The following LPP variants were observed in gnomAD, a reference collection of about 807,000 sequenced individuals.
The protein encoded by LPP is LIM domain containing preferred translocation partner in lipoma, also known as lipoma-preferred partner.
Under a neutral mutation model 60.4 loss-of-function variants are expected in LPP, and 38 were observed. The observed-to-expected ratio is 0.63, with a 90% confidence interval of 0.49 to 0.83. LPP has a LOEUF of 0.83. LPP is among the 40% of genes least tolerant of loss of function. LPP has a pLI of 0.00. For synonymous variants in LPP, 328 were observed against 290.8 expected, an observed-to-expected ratio of 1.13 and a Z score of -1.30; for missense variants, 902 against 783.6, an observed-to-expected ratio of 1.15 and a Z score of -1.80.
chr3:188,358,894 G>T (rs1437598333), intron 3 of LPP, among the ~76,000 whole-genome samples: 1 of 152,192 alleles, frequency 6.6e-6, no homozygotes, highest in Non-Finnish European at 1.5e-5. Flanking sequence ...TCCAGAAAGA[G>T]TGGCCACACG....
At chr3:188,426,048 T>G (rs1452400226) in intron 4 of LPP, among the ~76,000 whole-genome samples, 1 of 152,242 alleles carries the variant, frequency 6.6e-6, no homozygotes, top group Non-Finnish European at 1.5e-5. Context: ...AACGTTAGGG[T>G]GTCGATTTGA....
rs1004222826 is a variant in LPP, at chr3:188,441,609, C to CTTTT, written c.193+35322_193+35325dup. Among the ~76,000 whole-genome samples, 12 of 55,672 alleles carry CTTTT rather than the reference C, an allele frequency of 2.2e-4. 1 individual carries two copies. Among genetic ancestry groups the CTTTT allele is most frequent in the African/African-American group, 7.5e-4 (10 of 13,348 alleles). The allele number at this position is 55,672 out of a possible 152,430, so 36.5% of individuals were successfully genotyped here. On this transcript the variant is annotated intron_variant, in intron 4 of 11. Coordinates refer to ENST00000617246, the MANE Select transcript of LPP (RefSeq NM_001375462.1). ...ACAGTTTCTTTTTTTCTTTTCTTTT[C>CTTTT]TTTTTTTTTTTTTTTTTTTTTTTTT...
intron 3 of LPP, among the ~76,000 whole-genome samples, chr3:188,403,299 T>C (rs1431701273): frequency 6.6e-6 from 1 of 152,210 alleles, no homozygotes; most frequent in Non-Finnish European, 1.5e-5. Flanking sequence ...AAAGCCAAGA[T>C]GATACAGTCA....
intron 7 of LPP, among the ~76,000 whole-genome samples, chr3:188,683,497 C>T (rs1859981261): frequency 1.3e-5 from 2 of 152,126 alleles, no homozygotes; most frequent in Non-Finnish European, 2.9e-5. Context: ...ATTTTGACTG[C>T]TAGTTCTATA....
At chr3:188,635,284 A>G (rs558186965) in intron 7 of LPP, among the ~76,000 whole-genome samples, 1 of 152,304 alleles carries the variant, frequency 6.6e-6, no homozygotes, top group Non-Finnish European at 1.5e-5. Flanking sequence ...CTTCTTGGGC[A>G]TCAGTGGGGA....
intron 4 of LPP, among the ~76,000 whole-genome samples, chr3:188,482,139 G>A (rs1579238033): frequency 1.3e-5 from 2 of 152,158 alleles, no homozygotes; most frequent in South Asian, 4.1e-4. Context: ...AGATGTGCTT[G>A]CTTCCCCTTC....
chr3:188,712,367 G>A (rs1711902643), intron 8 of LPP: 3 of 152,314 alleles, frequency 2.0e-5, no homozygotes, highest in South Asian at 4.1e-4. Flanking sequence ...TGGGGCTCAC[G>A]GGTTCCTAGG....
intron 5 of LPP, among the ~76,000 whole-genome samples, chr3:188,497,103 T>C (rs1201037328): frequency 6.6e-6 from 1 of 152,012 alleles, no homozygotes; most frequent in Non-Finnish European, 1.5e-5. Flanking sequence ...GAAATAAAAA[T>C]TTGGTTTATG....
chr3:188,536,513 G>A (rs981009642), intron 6 of LPP, among the ~76,000 whole-genome samples: 4 of 152,086 alleles, frequency 2.6e-5, no homozygotes, highest in Non-Finnish European at 5.9e-5. Flanking sequence ...TTTTTAAGTG[G>A]AAATAAACTT....
At chr3:188,787,432 GCACA>G (rs370252572) in intron 9 of LPP, among the ~76,000 whole-genome samples, 8 of 150,770 alleles carry the variant, frequency 5.3e-5, no homozygotes, top group African/African-American at 2.0e-4. Flanking sequence ...ACACACACAC[GCACA>G]CACACACATA....
intron 2 of LPP, among the ~76,000 whole-genome samples, chr3:188,258,033 C>T (rs1328048378): frequency 2.0e-5 from 3 of 152,208 alleles, no homozygotes; most frequent in Admixed American, 6.5e-5. Context: ...AACAAGGTGT[C>T]CTTGATTTGT....
chr3:188,387,652 CG>C (rs1778667808), intron 3 of LPP, among the ~76,000 whole-genome samples: 1 of 151,502 alleles, frequency 6.6e-6, no homozygotes, highest in Non-Finnish European at 1.5e-5. Flanking sequence ...CTGCAACCTC[CG>C]CCTCCTGGGT....
chr3:188,218,448 A>T (rs2149265028), intron 1 of LPP, among the ~76,000 whole-genome samples: 1 of 152,276 alleles, frequency 6.6e-6, no homozygotes, highest in East Asian at 1.9e-4. Flanking sequence ...CTTATACTAT[A>T]ATCAGCCTAA....
rs1438272192 is a variant in LPP at position 188,729,757 on chromosome 3, G to T, written c.1240+21364G>T. On this transcript the variant is annotated intron_variant, in intron 8 of 11. Coordinates refer to ENST00000617246, the MANE Select transcript of LPP (RefSeq NM_001375462.1). ...TTTGGGAGGCCAAGGTGGGAGGATT[G>T]CTTGAGCCCTGGGAGTTCAAGACCA... 2.6e-5 allele frequency among the ~76,000 whole-genome samples: 4 copies of T among 151,728 alleles called. No homozygotes were observed. The East Asian group carries it at 7.8e-4, about 29-fold the overall frequency.
At chr3:188,183,617 C>T (rs1725737294) in intron 1 of LPP, among the ~76,000 whole-genome samples, 1 of 152,122 alleles carries the variant, frequency 6.6e-6, no homozygotes, top group Non-Finnish European at 1.5e-5. Context: ...GTGATTAGCA[C>T]TGATTACGTG....
At chr3:188,219,954 A>G (rs1715158767) in intron 1 of LPP, among the ~76,000 whole-genome samples, 1 of 152,194 alleles carries the variant, frequency 6.6e-6, no homozygotes, top group African/African-American at 2.4e-5. Context: ...TCTCCCATCC[A>G]TTAGAAGTGA....
chr3:188,362,628 C>T (rs1188873025), intron 3 of LPP, among the ~76,000 whole-genome samples: 1 of 152,142 alleles, frequency 6.6e-6, no homozygotes, highest in South Asian at 2.1e-4. Context: ...AATATGAACA[C>T]ACACGTTTTC....
At chr3:188,811,373 C>T (rs981977233) in intron 9 of LPP, among the ~76,000 whole-genome samples, 5 of 151,668 alleles carry the variant, frequency 3.3e-5, no homozygotes, top group African/African-American at 9.7e-5. Flanking sequence ...CACACACACA[C>T]ACACACACAC....
intron 6 of LPP, among the ~76,000 whole-genome samples, chr3:188,591,319 C>T (rs908205735): frequency 2.0e-5 from 3 of 152,214 alleles, no homozygotes; most frequent in Admixed American, 1.3e-4. Flanking sequence ...TCAGTGTTAA[C>T]ATAGCCTTTT....
Sources: allele counts gnomAD v4.1 joint callset (sites outside exome capture counted in the v4.1 genomes callset), GRCh38; gene constraint gnomAD v4.1.1; transcripts MANE v1.5; gene names NCBI Gene and HGNC (gene_info 2026-07-23, HGNC 2026-07-21).